Variants in GCGR observed in about 807,000 individuals in gnomAD.
GCGR encodes the protein glucagon receptor.
In GCGR, 41 loss-of-function variants were observed where a neutral mutation model predicts 56.1. That is an observed-to-expected ratio of 0.73 (90% CI 0.57 to 0.95). The LOEUF (loss-of-function observed/expected upper bound fraction) is 0.95. GCGR is among the 40% of genes least tolerant of loss of function. The probability of loss-of-function intolerance (pLI) is 0.00; values close to 1 mark genes in which losing one functional copy is unlikely to be tolerated. For missense variants in GCGR, 595 were observed against 638.2 expected (o/e 0.93, Z 0.73); for synonymous variants, 278 against 271.1 (o/e 1.03, Z -0.25).
chr17:81,804,834 G>T lies in GCGR; in HGVS notation c.-178+585G>T, dbSNP rs964940427. Among the ~76,000 whole-genome samples the T allele has an allele frequency of 1.3e-5, 2 of 152,130 alleles. No individual in the cohort carries two copies. Among genetic ancestry groups the T allele is most frequent in the African/African-American group, 4.8e-5 (2 of 41,428 alleles). On this transcript the variant is annotated intron_variant, in intron 1 of 13. Coordinates refer to ENST00000400723, the MANE Select transcript of GCGR (RefSeq NM_000160.5). The surrounding 1 kb of genome is among the most constrained non-coding windows in gnomAD (Gnocchi z 8.2). ...TGCCCTGCCCGGCTCCGGCCCCCCC[G>T]GCGCCCCACCACCCGGCCGACTCGG... is the stretch of plus-strand genomic sequence containing the variant.
At position 81,811,000 on chromosome 17, in the gene GCGR, A is replaced by C. The variant is rs2143129404; in HGVS notation, c.272-10A>C. 3 of 1,535,672 alleles carry C rather than the reference A, an allele frequency of 2.0e-6. No homozygotes were observed. Among genetic ancestry groups the C allele is most frequent in the Non-Finnish European group, 2.6e-6 (3 of 1,146,614 alleles). On this transcript the variant is annotated splice_polypyrimidine_tract_variant and intron_variant, in intron 4 of 13. Coordinates refer to ENST00000400723, the MANE Select transcript of GCGR (RefSeq NM_000160.5). The surrounding 1 kb of genome is among the most constrained non-coding windows in gnomAD (Gnocchi z 4.6). Reference sequence around the variant, plus strand: ...GTGGGGCTGACCCCAGCCTCCCCCCACACCCCCAGTGCAACACCGCTTCGT... The same window carrying C: ...GTGGGGCTGACCCCAGCCTCCCCCCCCACCCCCAGTGCAACACCGCTTCGT...
intron 1 of GCGR, among the ~76,000 whole-genome samples, chr17:81,805,663 A>G (rs1307211006): frequency 2.8e-5 from 4 of 141,216 alleles, no homozygotes; most frequent in Non-Finnish European, 6.2e-5. Flanking sequence ...CACCTCGGGA[A>G]CCCCCACATT....
Position 81,809,859 on chromosome 17 carries a change from C to T in GCGR, c.138C>T (p.Asn46=), listed in dbSNP as rs1298456032. The T allele has an allele frequency of 1.3e-6, 2 of 1,536,554 alleles. No individual in the cohort carries two copies. The highest frequency in any genetic ancestry group is 2.0e-5 in the Admixed American group (1 of 51,004). Residue 46 remains asparagine, a synonymous_variant, in exon 3 of 14, where the codon AAC becomes AAT. Coordinates refer to ENST00000400723, the MANE Select transcript of GCGR (RefSeq NM_000160.5). ...TCTACGGTGACCAGTGTCACCACAA[C>T]CTGAGCCTGCTGCCCCCTCCCACGG... The part of the protein sequence containing the change: ...WKLYGDQCHH[N]LSLLPPPTEL...
In GCGR at chr17:81,812,896, C is replaced by G. The variant is rs372612289; in HGVS notation, c.1127C>G (p.Thr376Ser). The change falls in exon 12 of 14, where the codon ACC becomes AGC. Residue 376 changes from threonine (T) to serine (S), a missense_variant. Coordinates refer to ENST00000400723, the MANE Select transcript of GCGR (RefSeq NM_000160.5). The surrounding 1 kb of genome is among the most constrained non-coding windows in gnomAD (Gnocchi z 8.5). ...AFVTDEHAQG[T>S]LRSAKLFFDL... ...GTGACGGACGAGCACGCCCAGGGCA[C>G]CCTGCGCTCCGCCAAGCTCTTCTTC... is the stretch of plus-strand genomic sequence containing the variant. The G allele has an allele frequency of 6.5e-7, 1 of 1,536,116 alleles. No homozygotes were observed. The highest frequency in any genetic ancestry group is 1.2e-5 in the South Asian group (1 of 84,060).
chr17:81,811,633 A>G lies in GCGR; in HGVS notation c.658-18A>G. On this transcript the variant is annotated intron_variant, in intron 7 of 13. Coordinates refer to ENST00000400723, the MANE Select transcript of GCGR (RefSeq NM_000160.5). The surrounding 1 kb of genome is among the most constrained non-coding windows in gnomAD (Gnocchi z 5.8). ...GGCAGGTGGCCACGTAGCCGCGCTC[A>G]CACTGCACCTGTACCAGGCGGTGGC... is the stretch of plus-strand genomic sequence containing the variant. 1.3e-6 allele frequency: 2 copies of G among 1,536,128 alleles called. No homozygotes were observed. The highest frequency in any genetic ancestry group is 1.7e-6 in the Non-Finnish European group (2 of 1,146,840).
In GCGR at chr17:81,809,796, C is replaced by T. The variant is rs893913005; in HGVS notation, c.75C>T (p.Ser25=). The T allele has an allele frequency of 7.2e-6, 11 of 1,536,438 alleles. No homozygotes were observed. Among genetic ancestry groups the T allele is most frequent in the Admixed American group, 5.9e-5 (3 of 50,974 alleles). ...LLLACQPQVP[S]AQVMDFLFEK... ...GTGTCCCCCAGCCACAGGTCCCCTC[C>T]GCTCAGGTGATGGACTTCCTGTTTG... Residue 25 remains serine, a synonymous_variant, in exon 3 of 14, where the codon TCC becomes TCT. Coordinates refer to ENST00000400723, the MANE Select transcript of GCGR (RefSeq NM_000160.5).
In GCGR at chr17:81,811,626, C is replaced by G; in HGVS notation, c.658-25C>G. The G allele has an allele frequency of 6.5e-7, 1 of 1,535,970 alleles. No individual in the cohort carries two copies. The highest frequency in any genetic ancestry group is 8.7e-7 in the Non-Finnish European group (1 of 1,146,784). ...GCAGCCAGGCAGGTGGCCACGTAGC[C>G]GCGCTCACACTGCACCTGTACCAGG... On this transcript the variant is annotated intron_variant, in intron 7 of 13. Coordinates refer to ENST00000400723, the MANE Select transcript of GCGR (RefSeq NM_000160.5). This position sits in a 1 kb window ranked among gnomAD's most constrained non-coding sequence, Gnocchi z 5.8.
intron 1 of GCGR, among the ~76,000 whole-genome samples, chr17:81,807,257 T>G (rs1037047444): frequency 4.6e-5 from 7 of 152,226 alleles, no homozygotes; most frequent in African/African-American, 1.7e-4. Context: ...GCTGCTCACC[T>G]GGCTCAGGAA....
In GCGR at chr17:81,810,725, C is replaced by G. The variant is rs895690510; in HGVS notation, c.164-100C>G. On this transcript the variant is annotated intron_variant, in intron 3 of 13. Coordinates refer to ENST00000400723, the MANE Select transcript of GCGR (RefSeq NM_000160.5). The surrounding 1 kb of genome is among the most constrained non-coding windows in gnomAD (Gnocchi z 4.6). ...GGCCATGTCCTGGGCGAGGTGACGG[C>G]CGAGCTCAGGCTTCCAGAGAGAGGA... 1.7e-6 allele frequency: 2 copies of G among 1,168,448 alleles called. No individual in the cohort carries two copies. The highest frequency in any genetic ancestry group is 3.0e-5 in the African/African-American group (2 of 65,690). The allele number at this position is 1,168,448 out of a possible 1,614,324, so 72.4% of individuals were successfully genotyped here.
chr17:81,806,475 G>A lies in GCGR; in HGVS notation c.-178+2226G>A, dbSNP rs1195078356. On this transcript the variant is annotated intron_variant, in intron 1 of 13. Transcript: ENST00000400723. This position sits in a 1 kb window ranked among gnomAD's most constrained non-coding sequence, Gnocchi z 6.5. Reference sequence around the variant, plus strand: ...TGAGGGGACACAGAGCCCCACTCCTGGGTCCTGACTGTTTCAAAGAAAGGC... The same window carrying A: ...TGAGGGGACACAGAGCCCCACTCCTAGGTCCTGACTGTTTCAAAGAAAGGC... Among the ~76,000 whole-genome samples, 2 of 152,092 alleles carry A rather than the reference G, an allele frequency of 1.3e-5. No individual in the cohort carries two copies. Among genetic ancestry groups the A allele is most frequent in the Non-Finnish European group, 2.9e-5 (2 of 68,008 alleles).
chr17:81,810,936 C>T lies in GCGR; in HGVS notation c.271+4C>T. On this transcript the variant is annotated splice_donor_region_variant and intron_variant, in intron 4 of 13. Coordinates refer to ENST00000400723, the MANE Select transcript of GCGR (RefSeq NM_000160.5). This position sits in a 1 kb window ranked among gnomAD's most constrained non-coding sequence, Gnocchi z 4.6. Reference sequence around the variant, plus strand: ...TACCTGCCTTGGCACCACAAAGGTACCCATAGAGGGGAGGAACTGTGGGGG... The same window carrying T: ...TACCTGCCTTGGCACCACAAAGGTATCCATAGAGGGGAGGAACTGTGGGGG... 1 of 1,536,538 alleles carries T rather than the reference C, an allele frequency of 6.5e-7. No homozygotes were observed. The highest frequency in any genetic ancestry group is 1.2e-5 in the South Asian group (1 of 84,064).
At position 81,811,002 on chromosome 17, in the gene GCGR, AC is replaced by A; in HGVS notation, c.272-3del. On this transcript the variant is annotated splice_region_variant and splice_polypyrimidine_tract_variant and intron_variant, in intron 4 of 13. Coordinates refer to ENST00000400723, the MANE Select transcript of GCGR (RefSeq NM_000160.5). The surrounding 1 kb of genome is among the most constrained non-coding windows in gnomAD (Gnocchi z 5.8). The stretch of plus-strand genomic sequence containing the variant: ...GGGGCTGACCCCAGCCTCCCCCCAC[AC>A]CCCCAGTGCAACACCGCTTCGTGTT... 1 of 1,535,532 alleles carries A rather than the reference AC, an allele frequency of 6.5e-7. No homozygotes were observed. The highest frequency in any genetic ancestry group is 8.7e-7 in the Non-Finnish European group (1 of 1,146,584).
Position 81,812,608 on chromosome 17 carries a change from A to G in GCGR, c.980A>G (p.Gln327Arg), listed in dbSNP as rs997868355. 1.3e-6 allele frequency: 2 copies of G among 1,536,550 alleles called. No homozygotes were observed. The highest frequency in any genetic ancestry group is 1.7e-6 in the Non-Finnish European group (2 of 1,146,794). The change falls in exon 11 of 14, where the codon CAG (glutamine) becomes CGG (arginine). Residue 327 changes from glutamine to arginine, a missense_variant. Transcript: ENST00000400723. This position sits in a 1 kb window ranked among gnomAD's most constrained non-coding sequence, Gnocchi z 8.5. ...INFFIFVRIV[Q>R]LLVAKLRARQ... is the part of the protein sequence containing the mutation. ...TTCTTCATCTTCGTCCGCATCGTTC[A>G]GCTGCTCGTGGCCAAGCTGCGGGCA...
Position 81,812,954 on chromosome 17 carries a change from C to G in GCGR, c.1176+9C>G. On this transcript the variant is annotated intron_variant, in intron 12 of 13. Transcript: ENST00000400723. This position sits in a 1 kb window ranked among gnomAD's most constrained non-coding sequence, Gnocchi z 8.5. ...TCCTCAGCTCCTTCCAGGTGCCCGC[C>G]CGCCCGCCGGCTCCCCCGCCCGGGG... The G allele has an allele frequency of 6.5e-7, 1 of 1,535,726 alleles. No homozygotes were observed. The highest frequency in any genetic ancestry group is 8.7e-7 in the Non-Finnish European group (1 of 1,146,522).
At position 81,810,082 on chromosome 17, in the gene GCGR, G is replaced by A; in HGVS notation, c.163+198G>A. The A allele has an allele frequency of 3.1e-6, 2 of 642,934 alleles. No homozygotes were observed. The highest frequency in any genetic ancestry group is 3.3e-5 in the South Asian group (2 of 60,358). The allele number at this position is 642,934 out of a possible 1,614,324, so 39.8% of individuals were successfully genotyped here. ...CCACAGAGCTGGGGACTTGCCTCAG[G>A]CCGCAGAGCCAGGAAATAACAGAAC... On this transcript the variant is annotated intron_variant, in intron 3 of 13. Coordinates refer to ENST00000400723, the MANE Select transcript of GCGR (RefSeq NM_000160.5). This position sits in a 1 kb window ranked among gnomAD's most constrained non-coding sequence, Gnocchi z 4.6.
In GCGR at chr17:81,804,300, G is replaced by A. The variant is rs1005292071; in HGVS notation, c.-178+51G>A. 6.6e-6 allele frequency: 1 copy of A among 152,284 alleles called. No individual in the cohort carries two copies. Among genetic ancestry groups the A allele is most frequent in the Non-Finnish European group, 1.5e-5 (1 of 67,910 alleles). The allele number at this position is 152,284 out of a possible 1,614,324, so 9.4% of individuals were successfully genotyped here. A position where few individuals can be genotyped will look rare whatever the true frequency, so the allele number is the denominator to read the frequency against. ...GGGGACGTTGGGGAGTCGACCCGGTGGGGACAGAGACCGCGGGGCGGGCGC... is the reference window on the plus strand; with the variant it reads ...GGGGACGTTGGGGAGTCGACCCGGTAGGGACAGAGACCGCGGGGCGGGCGC... On this transcript the variant is annotated intron_variant, in intron 1 of 13. Coordinates refer to ENST00000400723, the MANE Select transcript of GCGR (RefSeq NM_000160.5). This position sits in a 1 kb window ranked among gnomAD's most constrained non-coding sequence, Gnocchi z 8.2.
At chr17:81,809,208 C>A in intron 2 of GCGR, 130 bp downstream of exon 2, 1 of 1,121,628 alleles carries the variant, frequency 8.9e-7, no homozygotes, top group Non-Finnish European at 1.3e-6. Flanking sequence ...GTCTGCCTGC[C>A]CATCTGCCTG....
chr17:81,805,653 C>T (rs1355348780), intron 1 of GCGR, among the ~76,000 whole-genome samples: 4 of 150,758 alleles, frequency 2.7e-5, no homozygotes, highest in Non-Finnish European at 4.4e-5. Flanking sequence ...CCCTATTGGG[C>T]ACCTCGGGAA....
rs2038073759 is a variant in GCGR at position 81,810,679 on chromosome 17, A to G, written c.164-146A>G. 9 of 727,794 alleles carry G rather than the reference A, an allele frequency of 1.2e-5. No homozygotes were observed. The highest frequency in any genetic ancestry group is 2.7e-5 in the East Asian group (1 of 37,042). 45.1% of individuals were successfully genotyped at this position (727,794 alleles called of 1,614,324 possible). On this transcript the variant is annotated intron_variant, in intron 3 of 13. Coordinates refer to ENST00000400723, the MANE Select transcript of GCGR (RefSeq NM_000160.5). The surrounding 1 kb of genome is among the most constrained non-coding windows in gnomAD (Gnocchi z 4.6). Reference sequence around the variant, plus strand: ...GGTCAGATGGGGGAGGTGGAGGTCAAGTGGGGGAGGGAGCAGCCCAGGCCA... The same window carrying G: ...GGTCAGATGGGGGAGGTGGAGGTCAGGTGGGGGAGGGAGCAGCCCAGGCCA...
Sources: gnomAD v4.1 joint callset for allele counts (sites outside exome capture counted in the v4.1 genomes callset) on GRCh38, gnomAD v4.1.1 for gene constraint, Gnocchi (gnomAD v3.1) non-coding constraint, MANE v1.5 for transcripts, NCBI Gene and HGNC (gene_info 2026-07-23, HGNC 2026-07-21) for gene names.